C8orf34: variants seen among roughly 807,000 people sequenced by gnomAD.
C8orf34 encodes uncharacterized protein C8orf34.
A neutral mutation model predicts 68.3 loss-of-function variants in C8orf34; 65 were observed. The observed-to-expected ratio is 0.95, with a 90% confidence interval of 0.78 to 1.17. The LOEUF (loss-of-function observed/expected upper bound fraction) is 1.17, where lower values mean the gene tolerates loss of function less well. C8orf34 is among the 50% of genes most tolerant of loss of function. C8orf34 has a pLI of 0.00. For synonymous variants in C8orf34, 244 were observed against 241.2 expected (o/e 1.01, Z -0.11); for missense variants, 664 against 655.4 (o/e 1.01, Z -0.14).
intron 8 of C8orf34, among the ~76,000 whole-genome samples, chr8:68,673,204 A>G (rs1235087693): frequency 6.6e-6 from 1 of 152,138 alleles, no homozygotes; most frequent in Non-Finnish European, 1.5e-5. Context: ...ATTGCCAGCT[A>G]TGGTGCTATG....
intron 7 of C8orf34, among the ~76,000 whole-genome samples, chr8:68,563,578 G>A (rs1197574538): frequency 1.3e-5 from 2 of 151,854 alleles, no homozygotes; most frequent in Non-Finnish European, 2.9e-5. Flanking sequence ...GAGAAGGAGA[G>A]CTCAAATAAA....
chr8:68,563,952 C>T (rs898180970), intron 7 of C8orf34, among the ~76,000 whole-genome samples: 1 of 152,004 alleles, frequency 6.6e-6, no homozygotes, highest in Non-Finnish European at 1.5e-5. Flanking sequence ...GGAGCTTTTG[C>T]ACAATATTCA....
intron 8 of C8orf34, among the ~76,000 whole-genome samples, chr8:68,657,829 G>A (rs1819553609): frequency 6.6e-6 from 1 of 152,184 alleles, no homozygotes; most frequent in Non-Finnish European, 1.5e-5. Flanking sequence ...GGTGGGAATA[G>A]GGAAGTTATT....
At chr8:68,397,088 C>A (rs556970665) in intron 1 of C8orf34, among the ~76,000 whole-genome samples, 1 of 151,964 alleles carries the variant, frequency 6.6e-6, no homozygotes, top group Admixed American at 6.6e-5. Flanking sequence ...CTCACCGCAT[C>A]CTCCATCTCC....
At chr8:68,711,410 A>G (rs915208058) in intron 9 of C8orf34, among the ~76,000 whole-genome samples, 5 of 152,182 alleles carry the variant, frequency 3.3e-5, no homozygotes, top group Non-Finnish European at 5.9e-5. Flanking sequence ...TACATAAATC[A>G]AAAACATAAT....
intron 10 of C8orf34, among the ~76,000 whole-genome samples, chr8:68,727,637 T>G (rs1342441912): frequency 6.6e-6 from 1 of 152,244 alleles, no homozygotes; most frequent in East Asian, 1.9e-4. Context: ...TCCATATATC[T>G]TCCGAAATCT....
chr8:68,499,561 A>G (rs2129632453), intron 5 of C8orf34, among the ~76,000 whole-genome samples: 1 of 152,334 alleles, frequency 6.6e-6, no homozygotes. Flanking sequence ...TGATGGAATT[A>G]GAAAGCCACA....
chr8:68,725,616 A>G (rs1821807089), intron 10 of C8orf34, among the ~76,000 whole-genome samples: 1 of 152,176 alleles, frequency 6.6e-6, no homozygotes, highest in Non-Finnish European at 1.5e-5. Flanking sequence ...TCCGTGGCTT[A>G]TCACTTTATC....
Position 68,567,577 on chromosome 8 carries a change from C to CTTTTTTTTTTTTTTTTTTTTTTTTTTTTT in C8orf34, c.1105+34435_1105+34463dup, listed in dbSNP as rs1160845483. On this transcript the variant is annotated intron_variant, in intron 7 of 13. Coordinates refer to ENST00000518698, the MANE Select transcript of C8orf34 (RefSeq NM_052958.4). ...TCTTTTCAAATTTTGTTTCATTTAT[C>CTTTTTTTTTTTTTTTTTTTTTTTTTTTTT]TTTTTTTTTTTTTTTTTTTTTTTTT... Among the ~76,000 whole-genome samples the CTTTTTTTTTTTTTTTTTTTTTTTTTTTTT allele has an allele frequency of 6.7e-5, 2 of 29,780 alleles. 1 individual carries two copies. The highest frequency in any genetic ancestry group is 1.2e-4 in the Non-Finnish European group (2 of 16,684). The allele number at this position is 29,780 out of a possible 152,430, so 19.5% of individuals were successfully genotyped here. A position where few individuals can be genotyped will look rare whatever the true frequency, so the allele number is the denominator to read the frequency against.
At chr8:68,769,657 C>T (rs1823283269) in intron 10 of C8orf34, among the ~76,000 whole-genome samples, 2 of 151,966 alleles carry the variant, frequency 1.3e-5, no homozygotes, top group Admixed American at 6.6e-5. Context: ...CTCTTTTTTC[C>T]TACTATTTAC....
intron 13 of C8orf34, among the ~76,000 whole-genome samples, chr8:68,817,300 G>C (rs999567531): frequency 3.3e-5 from 5 of 152,156 alleles, no homozygotes. Flanking sequence ...TCAAGAGAAA[G>C]TAATGTCTAA....
chr8:68,651,285 C>G (rs1819350670), intron 8 of C8orf34, among the ~76,000 whole-genome samples: 2 of 152,180 alleles, frequency 1.3e-5, no homozygotes, highest in Non-Finnish European at 2.9e-5. Flanking sequence ...GCAGCCGGCT[C>G]AAACGACAGC....
intron 12 of C8orf34, among the ~76,000 whole-genome samples, chr8:68,813,860 G>T (rs1454960969): frequency 6.6e-6 from 1 of 152,092 alleles, no homozygotes; most frequent in African/African-American, 2.4e-5. Context: ...TGCTACTTGG[G>T]TGACTTACCC....
intron 6 of C8orf34, among the ~76,000 whole-genome samples, chr8:68,524,308 T>A (rs2129712748): frequency 6.6e-6 from 1 of 152,306 alleles, no homozygotes; most frequent in South Asian, 2.1e-4. Flanking sequence ...GTACTGTATG[T>A]GAACTTCTTT....
chr8:68,371,760 C>T (rs1807574187), intron 1 of C8orf34, among the ~76,000 whole-genome samples: 3 of 152,082 alleles, frequency 2.0e-5, no homozygotes, highest in Admixed American at 2.0e-4. Flanking sequence ...CCACCACACC[C>T]AGCTAATTTT....
chr8:68,568,830 T>G (rs1390825227), intron 7 of C8orf34, among the ~76,000 whole-genome samples: 2 of 152,226 alleles, frequency 1.3e-5, no homozygotes, highest in Non-Finnish European at 2.9e-5. Flanking sequence ...CAAAATTGTT[T>G]CTGGCAAGAG....
At chr8:68,563,424 A>C (rs2130190337) in intron 7 of C8orf34, among the ~76,000 whole-genome samples, 1 of 152,302 alleles carries the variant, frequency 6.6e-6, no homozygotes, top group East Asian at 1.9e-4. Context: ...AGCTATGTGC[A>C]TTGGAATCAT....
chr8:68,628,533 C>T (rs569534330), intron 7 of C8orf34, among the ~76,000 whole-genome samples: 2 of 152,190 alleles, frequency 1.3e-5, no homozygotes, highest in South Asian at 4.1e-4. Context: ...GTTTTCTTAA[C>T]ATTTGCTTTA....
At chr8:68,816,105 A>AGTGTGTGTGTGTGT (rs71554629) in intron 13 of C8orf34, among the ~76,000 whole-genome samples, 160 bp downstream of exon 13, 217 of 144,616 alleles carry the variant, frequency 1.5e-3, no homozygotes, top group African/African-American at 5.2e-3. Context: ...ATTTCCTAAG[A>AGTGTGTGTGTGTGT]GTGTGTGTGT....
Sources: gnomAD v4.1 joint callset for allele counts (sites outside exome capture counted in the v4.1 genomes callset) on GRCh38, gnomAD v4.1.1 for gene constraint, MANE v1.5 for transcripts, NCBI Gene and HGNC (gene_info 2026-07-23, HGNC 2026-07-21) for gene names.